BMP1: variants seen among roughly 807,000 people sequenced by gnomAD.
BMP1 encodes bone morphogenetic protein 1.
BMP1 carries 63 observed loss-of-function variants against 116.8 expected under a neutral mutation model. That is an observed-to-expected ratio of 0.54 (90% CI 0.44 to 0.67). BMP1 has a LOEUF of 0.67. Ranked by LOEUF, BMP1 falls within the 30% of genes least tolerant of loss-of-function variation. BMP1 has a pLI of 0.00. For missense variants in BMP1, 1,183 were observed against 1,358.9 expected (o/e 0.87, Z 2.04); for synonymous variants, 536 against 533.4 (o/e 1.00, Z -0.07).
At position 22,194,126 on chromosome 8, in the gene BMP1, CGCA is replaced by C; in HGVS notation, c.1259_1261del (p.Ser420del). 6.2e-7 allele frequency: 1 copy of C among 1,614,032 alleles called. No individual in the cohort carries two copies. Among genetic ancestry groups the C allele is most frequent in the Admixed American group, 1.7e-5 (1 of 60,010 alleles). ...TGACAGCCGCCTCTGGGTTGAATTC[CGCA>C]GCAGCAGCAATTGGGTTGGAAAGGG... is the stretch of plus-strand genomic sequence containing the variant. On this transcript the variant is annotated inframe_deletion, in exon 10 of 20. Coordinates refer to ENST00000306385, the MANE Select transcript of BMP1 (RefSeq NM_006129.5). This position sits in a 1 kb window ranked among gnomAD's most constrained non-coding sequence, Gnocchi z 4.5.
intron 15 of BMP1, among the ~76,000 whole-genome samples, chr8:22,200,256 T>A (rs1362633842): frequency 9.9e-5 from 15 of 152,208 alleles, no homozygotes; most frequent in Admixed American, 9.8e-4. Flanking sequence ...AGTGCATGTG[T>A]GGGTCTGTGA....
Position 22,190,852 on chromosome 8 carries a change from C to G in BMP1, c.1078-1197C>G, listed in dbSNP as rs185667294. Among the ~76,000 whole-genome samples, 456 of 152,306 alleles carry G rather than the reference C, an allele frequency of 3.0e-3. 2 individuals carry two copies. The highest frequency in any genetic ancestry group is 0.01 in the African/African-American group (435 of 41,562). On this transcript the variant is annotated intron_variant, in intron 8 of 19. Transcript: ENST00000306385. ...CGGTCCCCTTCTCTAGCAGAGAACC[C>G]AGCTCTCCCAGAGCAGGACACCCCT... is the stretch of plus-strand genomic sequence containing the variant.
chr8:22,194,675 G>A lies in BMP1; in HGVS notation c.1444-49G>A, dbSNP rs374618609. 5.9e-5 allele frequency: 94 copies of A among 1,593,028 alleles called. No homozygotes were observed. The African/African-American group carries it at 1.2e-3, about 21-fold the overall frequency. On this transcript the variant is annotated intron_variant, in intron 11 of 19. Coordinates refer to ENST00000306385, the MANE Select transcript of BMP1 (RefSeq NM_006129.5). The surrounding 1 kb of genome is among the most constrained non-coding windows in gnomAD (Gnocchi z 4.5). The stretch of plus-strand genomic sequence containing the variant: ...GCCTCTCTTTGGGCTCCCAGGGGTG[G>A]GTCTCTGGCAGCCAGAGCCCCTTCC...
Position 22,211,879 on chromosome 8 carries a change from G to A in BMP1, c.*151G>A, listed in dbSNP as rs1472521715. ...GGCCTGGTGAGACTGTCCATAGGAG[G>A]TGGGGGAACTGGACTCCGGCATAAG... On this transcript the variant is annotated 3_prime_UTR_variant, in exon 20 of 20. Coordinates refer to ENST00000306385, the MANE Select transcript of BMP1 (RefSeq NM_006129.5). The A allele has an allele frequency of 3.3e-6, 4 of 1,206,992 alleles. No individual in the cohort carries two copies. Among genetic ancestry groups the A allele is most frequent in the Non-Finnish European group, 3.4e-6 (3 of 872,878 alleles). 74.8% of individuals were successfully genotyped at this position (1,206,992 alleles called of 1,614,324 possible).
rs1828551550 is a variant in BMP1, at chr8:22,179,554, CAG to C, written c.837-150_837-149del. On this transcript the variant is annotated intron_variant, in intron 6 of 19. Coordinates refer to ENST00000306385, the MANE Select transcript of BMP1 (RefSeq NM_006129.5). The surrounding 1 kb of genome is among the most constrained non-coding windows in gnomAD (Gnocchi z 4.6). ...TGCTGGTCAGTGGGTAGCATAATGA[CAG>C]GGTGAGACGACTCCACCCGGCCCTG... 5.2e-6 allele frequency: 7 copies of C among 1,349,168 alleles called. No homozygotes were observed. The highest frequency in any genetic ancestry group is 7.0e-6 in the Non-Finnish European group (7 of 1,000,208). 83.6% of individuals were successfully genotyped at this position (1,349,168 alleles called of 1,614,324 possible).
intron 8 of BMP1, among the ~76,000 whole-genome samples, chr8:22,186,504 G>T (rs1479807576): frequency 6.6e-6 from 1 of 152,148 alleles, no homozygotes; most frequent in South Asian, 2.1e-4. Flanking sequence ...GTCTCACTCT[G>T]TTGCCCAGGC....
At position 22,176,296 on chromosome 8, in the gene BMP1, T is replaced by C. The variant is rs200568225; in HGVS notation, c.416T>C (p.Ile139Thr). Residue 139 changes from isoleucine to threonine, a missense_variant, in exon 3 of 20, where the codon ATT becomes ACT. Transcript: ENST00000306385. ...VWPDGVIPFV[I>T]GGNFTGSQRA... ...CCCGATGGGGTCATCCCCTTTGTCA[T>C]TGGGGGAAACTTCACTGGTGAGCGT... is the stretch of plus-strand genomic sequence containing the variant. 4.9e-5 allele frequency: 78 copies of C among 1,601,398 alleles called. No individual in the cohort carries two copies. The Middle Eastern group carries it at 1.2e-3, about 24-fold the overall frequency.
intron 1 of BMP1, among the ~76,000 whole-genome samples, chr8:22,165,878 C>CGTGGGTGTGTGTGTGTGTGTGTGTGT (rs1432185239): frequency 3.0e-5 from 2 of 67,712 alleles, no homozygotes; most frequent in Admixed American, 1.5e-4. Flanking sequence ...AACTCCTGTG[C>CGTGGGTGTGTGTGTGTGTGTGTGTGT]GTGCGTGTGT....
intron 16 of BMP1, among the ~76,000 whole-genome samples, chr8:22,203,326 C>T (rs139884014): frequency 2.9e-4 from 44 of 152,234 alleles, no homozygotes; most frequent in African/African-American, 1.0e-3. Context: ...GAGGCCAAGG[C>T]GATCGGATCA....
Position 22,196,684 on chromosome 8 carries a change from T to C in BMP1, c.1770T>C (p.Ala590=), listed in dbSNP as rs2229777. The part of the protein sequence containing the change: ...LAPDKRRCEA[A]CGGFLTKLNG... ...CCACCTTCCTTGTCCCCGCAGCTGC[T>C]TGTGGCGGATTCCTCACCAAGCTCA... The change falls in exon 14 of 20, where the codon GCT becomes GCC. Residue 590 remains alanine (A), a synonymous_variant. Transcript: ENST00000306385. 0.11 allele frequency: 184,150 copies of C among 1,613,668 alleles called. 11,165 individuals are homozygous for C. The highest frequency in any genetic ancestry group is 0.2 in the East Asian group (8,980 of 44,820).
chr8:22,201,075 C>A, intron 15 of BMP1: 1 of 1,578,566 alleles, frequency 6.3e-7, no homozygotes, highest in South Asian at 1.1e-5. Flanking sequence ...TGCCCTCCAC[C>A]CCCACCCCTT....
chr8:22,167,733 G>C (rs528692726), intron 1 of BMP1, among the ~76,000 whole-genome samples: 1 of 152,310 alleles, frequency 6.6e-6, no homozygotes, highest in South Asian at 2.1e-4. Context: ...GAGGGCCCCC[G>C]GGCCTGACAA....
chr8:22,190,777 C>T (rs924067864), intron 8 of BMP1, among the ~76,000 whole-genome samples: 6 of 152,166 alleles, frequency 3.9e-5, no homozygotes, highest in African/African-American at 1.2e-4. Flanking sequence ...CTTTTTCATC[C>T]TGGCCTCCAC....
intron 1 of BMP1, among the ~76,000 whole-genome samples, chr8:22,167,717 G>A (rs550059504): frequency 2.6e-5 from 4 of 152,188 alleles, no homozygotes; most frequent in African/African-American, 4.8e-5. Context: ...GGCTGGGGGC[G>A]GCTGAGAGGG....
At chr8:22,201,009 C>CCCCCACA in intron 15 of BMP1, 1 of 486,862 alleles carries the variant, frequency 2.1e-6, no homozygotes, top group South Asian at 1.9e-5. Context: ...CCCTGCCCCT[C>CCCCCACA]AGATCCACCT....
intron 9 of BMP1, among the ~76,000 whole-genome samples, chr8:22,192,792 CT>C (rs757853629): frequency 7.2e-5 from 11 of 151,990 alleles, no homozygotes; most frequent in Non-Finnish European, 1.5e-4. Flanking sequence ...GCAGGTGATC[CT>C]AGAGGGTATT....
chr8:22,177,261 T>C (rs1437828674), intron 5 of BMP1, 122 bp downstream of exon 5: 2 of 1,064,576 alleles, frequency 1.9e-6, no homozygotes, highest in Admixed American at 5.4e-5. Flanking sequence ...CCCGCAGCGC[T>C]GCCCACAGCC....
chr8:22,190,217 G>T (rs58581369), intron 8 of BMP1, among the ~76,000 whole-genome samples: 2 of 152,310 alleles, frequency 1.3e-5, no homozygotes, highest in African/African-American at 4.8e-5. Flanking sequence ...GAACTACCGC[G>T]CTTGGCCTGT....
intron 15 of BMP1, chr8:22,201,326 G>A (rs1297616925): frequency 2.0e-6 from 3 of 1,502,698 alleles, no homozygotes; most frequent in Non-Finnish European, 2.6e-6. Context: ...ACCTCCCTCT[G>A]GCCGGACAGA....
Sources: allele counts gnomAD v4.1 joint callset (sites outside exome capture counted in the v4.1 genomes callset), GRCh38; gene constraint gnomAD v4.1.1; non-coding constraint Gnocchi (gnomAD v3.1); transcripts MANE v1.5; gene names NCBI Gene and HGNC (gene_info 2026-07-23, HGNC 2026-07-21).